ENOX1: variants seen among roughly 807,000 people sequenced by gnomAD.
The protein encoded by ENOX1 is ecto-NOX disulfide-thiol exchanger 1.
ENOX1 carries 42 observed loss-of-function variants against 82.5 expected under a neutral mutation model. That is an observed-to-expected ratio of 0.51 (90% confidence interval 0.40 to 0.66). The LOEUF is 0.66. ENOX1 is among the 30% of genes least tolerant of loss of function. The probability of loss-of-function intolerance (pLI) is 0.00; values close to 1 mark genes in which losing one functional copy is unlikely to be tolerated. For missense variants in ENOX1, 608 were observed against 811.6 expected (o/e 0.75, Z 3.05); for synonymous variants, 271 against 282.2 (o/e 0.96, Z 0.40).
intron 3 of ENOX1, among the ~76,000 whole-genome samples, chr13:43,441,251 C>G (rs1423808083): frequency 2.6e-5 from 4 of 152,142 alleles, no homozygotes; most frequent in Admixed American, 1.3e-4. Context: ...TGTATATTAG[C>G]TGCAATTTCC....
chr13:43,476,617 G>A (rs984701871), intron 3 of ENOX1, among the ~76,000 whole-genome samples: 10 of 152,060 alleles, frequency 6.6e-5, no homozygotes, highest in Non-Finnish European at 1.2e-4. Flanking sequence ...GTTTGTCTTT[G>A]TTCTGTTTCC....
At chr13:43,317,167 T>C (rs1284616218) in intron 11 of ENOX1, among the ~76,000 whole-genome samples, 1 of 152,244 alleles carries the variant, frequency 6.6e-6, no homozygotes, top group Non-Finnish European at 1.5e-5. Context: ...CCATCTCACT[T>C]TCAGTGTCTG....
At chr13:43,729,497 GT>G (rs2089204001) in intron 1 of ENOX1, among the ~76,000 whole-genome samples, 3 of 152,072 alleles carry the variant, frequency 2.0e-5, no homozygotes, top group Admixed American at 2.0e-4. Context: ...CAAGAACTGA[GT>G]TTTTAATCTA....
intron 1 of ENOX1, among the ~76,000 whole-genome samples, chr13:43,711,318 C>T (rs559992205): frequency 4.6e-5 from 7 of 152,064 alleles, no homozygotes; most frequent in South Asian, 2.1e-4. Flanking sequence ...CCAGTCTTAC[C>T]GTTGTTCGAC....
intron 2 of ENOX1, among the ~76,000 whole-genome samples, chr13:43,496,866 TCCC>T (rs1325206619): frequency 1.3e-5 from 2 of 152,254 alleles, no homozygotes; most frequent in South Asian, 4.1e-4. Flanking sequence ...AGAAAGCTAG[TCCC>T]CCAACACTGT....
At chr13:43,557,639 T>G (rs1361857512) in intron 2 of ENOX1, among the ~76,000 whole-genome samples, 1 of 152,072 alleles carries the variant, frequency 6.6e-6, no homozygotes, top group Non-Finnish European at 1.5e-5. Context: ...GTAGTTGAGC[T>G]GAAAACAGGA....
intron 1 of ENOX1, among the ~76,000 whole-genome samples, chr13:43,739,900 A>G (rs918716505): frequency 1.3e-5 from 2 of 152,132 alleles, no homozygotes; most frequent in Non-Finnish European, 2.9e-5. Context: ...ACTTGAACAC[A>G]ACAAGGATGA....
At chr13:43,244,790 C>CAT (rs2043003324) in intron 14 of ENOX1, among the ~76,000 whole-genome samples, 2 of 152,198 alleles carry the variant, frequency 1.3e-5, no homozygotes, top group Non-Finnish European at 2.9e-5. Flanking sequence ...CTGCCAGCAG[C>CAT]ATACCACAAG....
intron 15 of ENOX1, among the ~76,000 whole-genome samples, chr13:43,225,124 T>G (rs2153452767): frequency 6.6e-6 from 1 of 152,342 alleles, no homozygotes; most frequent in East Asian, 1.9e-4. Context: ...GCAGCAACAT[T>G]GATGCACCTG....
chr13:43,595,630 A>C (rs2081436002), intron 2 of ENOX1, among the ~76,000 whole-genome samples: 1 of 152,212 alleles, frequency 6.6e-6, no homozygotes, highest in African/African-American at 2.4e-5. Flanking sequence ...AAGAGGGTAC[A>C]CTTTTCACTT....
At chr13:43,756,892 G>A (rs901880358) in intron 1 of ENOX1, among the ~76,000 whole-genome samples, 11 of 149,222 alleles carry the variant, frequency 7.4e-5, no homozygotes, top group Admixed American at 6.7e-4. Context: ...GGAGGCTGAG[G>A]TAAGAGGATC....
At chr13:43,635,219 C>G (rs375668586) in intron 2 of ENOX1, among the ~76,000 whole-genome samples, 89 of 152,276 alleles carry the variant, frequency 5.8e-4, no homozygotes, top group African/African-American at 2.0e-3. Context: ...GAGAAAAACT[C>G]TGTAAGTAAT....
At chr13:43,294,142 A>AGCT (rs2046164907) in intron 12 of ENOX1, among the ~76,000 whole-genome samples, 1 of 152,152 alleles carries the variant, frequency 6.6e-6, no homozygotes, top group Non-Finnish European at 1.5e-5. Flanking sequence ...GGCCTAAGAC[A>AGCT]GCTGGTCTTC....
At chr13:43,419,569 A>G (rs1196027565) in intron 3 of ENOX1, among the ~76,000 whole-genome samples, 1 of 152,088 alleles carries the variant, frequency 6.6e-6, no homozygotes, top group Non-Finnish European at 1.5e-5. Context: ...AAGACAAAAC[A>G]AAACCAAAAA....
chr13:43,323,724 C>T (rs2047943831), intron 10 of ENOX1, among the ~76,000 whole-genome samples: 1 of 152,084 alleles, frequency 6.6e-6, no homozygotes, highest in African/African-American at 2.4e-5. Flanking sequence ...ATGTTATGAT[C>T]AATAAACATA....
chr13:43,781,670 T>G (rs1952271857), intron 1 of ENOX1, among the ~76,000 whole-genome samples: 4 of 152,060 alleles, frequency 2.6e-5, no homozygotes, highest in Non-Finnish European at 1.5e-5. Context: ...TGCACCACCA[T>G]CCCGGCTAAT....
chr13:43,671,177 C>T (rs1207203039), intron 1 of ENOX1, among the ~76,000 whole-genome samples: 1 of 152,142 alleles, frequency 6.6e-6, no homozygotes. Context: ...GTCTGCTTCC[C>T]CTTCCACCAT....
chr13:43,482,653 G>GA (rs59362618), intron 3 of ENOX1, among the ~76,000 whole-genome samples: 92,007 of 149,906 alleles, frequency 0.61, 29,232 homozygotes, highest in East Asian at 0.83. Flanking sequence ...CACAATAAAT[G>GA]AAAAAAAAAA....
chr13:43,696,309 A>G (rs921003345), intron 1 of ENOX1, among the ~76,000 whole-genome samples: 8 of 152,222 alleles, frequency 5.3e-5, no homozygotes, highest in Non-Finnish European at 1.2e-4. Context: ...TCTTGGATAC[A>G]TAGCTAAGAG....
Sources: allele counts gnomAD v4.1 joint callset (sites outside exome capture counted in the v4.1 genomes callset), GRCh38; gene constraint gnomAD v4.1.1; transcripts MANE v1.5; gene names NCBI Gene and HGNC (gene_info 2026-07-23, HGNC 2026-07-21).